Variants in WARS1 observed in about 807,000 individuals in gnomAD.
WARS1 encodes the protein tryptophanyl-tRNA synthetase 1, also known as tryptophan--tRNA ligase, cytoplasmic.
In WARS1, 17 loss-of-function variants were observed where a neutral mutation model predicts 47.8. The observed-to-expected ratio is 0.36, with a 90% CI of 0.24 to 0.53. The LOEUF is 0.53. WARS1 is among the 20% of genes least tolerant of loss of function. The pLI, the probability that WARS1 is intolerant of heterozygous loss-of-function variation, is 0.91. For synonymous variants in WARS1, 208 were observed against 228.1 expected (o/e 0.91, Z 0.79); for missense variants, 434 against 608.0 (o/e 0.71, Z 3.01).
intron 10 of WARS1, 34 bp from the exon 11 acceptor site, chr14:100,335,070 C>T: frequency 6.2e-7 from 1 of 1,606,922 alleles, no homozygotes; most frequent in East Asian, 2.2e-5. Context: ...TGAGAGATGG[C>T]TCCACATGTC....
At chr14:100,366,776 T>G (rs1440654811) in intron 2 of WARS1, 14 of 1,117,766 alleles carry the variant, frequency 1.3e-5, no homozygotes, top group Middle Eastern at 2.5e-4. Flanking sequence ...CAATGAAGCT[T>G]GAAGATACAT....
chr14:100,344,684 C>T lies in WARS1; in HGVS notation c.827-1297G>A, dbSNP rs1479359248. On this transcript the variant is annotated intron_variant, in intron 7 of 10. Transcript: ENST00000392882. The stretch of plus-strand genomic sequence containing the variant: ...ATCCCATCTAGGAAGTGAGGAGTGT[C>T]TCTGCCCGGCCGCCCATCGTCTGAG... 5.7e-4 allele frequency among the ~76,000 whole-genome samples: 87 copies of T among 151,682 alleles called. No individual in the cohort carries two copies. In the South Asian group the frequency reaches 0.016, roughly 28 times the overall value.
Position 100,366,040 on chromosome 14 carries a change from C to T in WARS1, c.99+3047G>A, listed in dbSNP as rs143191981. ...AGCAGTTATTGAGAATCCCTCTCCCCTCGGCCAAGGGAGTGTCACAGTTTC... is the reference window on the plus strand; with the variant it reads ...AGCAGTTATTGAGAATCCCTCTCCCTTCGGCCAAGGGAGTGTCACAGTTTC... On this transcript the variant is annotated intron_variant, in intron 2 of 10. Coordinates refer to ENST00000392882, the MANE Select transcript of WARS1 (RefSeq NM_004184.4). The T allele has an allele frequency of 6.8e-4, 312 of 456,020 alleles. 1 individual carries two copies. Among genetic ancestry groups the T allele is most frequent in the African/African-American group, 5.8e-3 (290 of 50,164 alleles). The allele number at this position is 456,020 out of a possible 1,614,324, so 28.2% of individuals were successfully genotyped here.
At chr14:100,354,764 A>G (rs1417243671) in intron 4 of WARS1, among the ~76,000 whole-genome samples, 198 bp from the exon 5 acceptor site, 2 of 152,234 alleles carry the variant, frequency 1.3e-5, no homozygotes, top group Non-Finnish European at 2.9e-5. Context: ...AGTGTTTTAA[A>G]AGACAAGATG....
At chr14:100,352,002 A>AG (rs143487325) in intron 6 of WARS1, among the ~76,000 whole-genome samples, 102,024 of 150,132 alleles carry the variant, frequency 0.68, 35,987 homozygotes, top group South Asian at 0.81. Context: ...CAAAAAAAAA[A>AG]AGAAAAAGAA....
At chr14:100,344,731 C>T (rs1162927528) in intron 7 of WARS1, among the ~76,000 whole-genome samples, 1 of 150,914 alleles carries the variant, frequency 6.6e-6, no homozygotes, top group African/African-American at 2.4e-5. Flanking sequence ...GCCTCTGCCC[C>T]GCCGCCCCGT....
At chr14:100,351,467 A>G (rs1894972589) in intron 6 of WARS1, among the ~76,000 whole-genome samples, 1 of 150,436 alleles carries the variant, frequency 6.6e-6, no homozygotes, top group African/African-American at 2.4e-5. Flanking sequence ...AGCCTGGCCA[A>G]CATGGCAAAA....
At chr14:100,370,826 C>T (rs144305646) in intron 1 of WARS1, among the ~76,000 whole-genome samples, 1 of 151,824 alleles carries the variant, frequency 6.6e-6, no homozygotes. Flanking sequence ...GCCTGTAATC[C>T]CAGCTACTTG....
chr14:100,338,545 G>T (rs1893906266), intron 9 of WARS1, among the ~76,000 whole-genome samples: 1 of 152,078 alleles, frequency 6.6e-6, no homozygotes, highest in African/African-American at 2.4e-5. Context: ...GGGATTACAG[G>T]TGTGAGTCAC....
In WARS1 at chr14:100,360,325, C is replaced by G. The variant is rs530176627; in HGVS notation, c.422+229G>C. On this transcript the variant is annotated intron_variant, in intron 4 of 10. Coordinates refer to ENST00000392882, the MANE Select transcript of WARS1 (RefSeq NM_004184.4). Reference sequence around the variant, plus strand: ...TCACCTGCTATTAATATGATTCCCACCTTGTGAGGTGGGCAGTCTACAAAT... The same window carrying G: ...TCACCTGCTATTAATATGATTCCCAGCTTGTGAGGTGGGCAGTCTACAAAT... Among the ~76,000 whole-genome samples the G allele has an allele frequency of 2.6e-5, 4 of 152,254 alleles. No individual in the cohort carries two copies. In the South Asian group the frequency reaches 8.3e-4, roughly 32 times the overall value.
At position 100,357,158 on chromosome 14, in the gene WARS1, T is replaced by C. The variant is rs116956614; in HGVS notation, c.423-2592A>G. On this transcript the variant is annotated intron_variant, in intron 4 of 10. Coordinates refer to ENST00000392882, the MANE Select transcript of WARS1 (RefSeq NM_004184.4). ...GAAGGGTATATAGAAAGCCCACAGCTAACATTATACTAAATGGTGTATATT... is the reference window on the plus strand; with the variant it reads ...GAAGGGTATATAGAAAGCCCACAGCCAACATTATACTAAATGGTGTATATT... 1.1e-3 allele frequency among the ~76,000 whole-genome samples: 173 copies of C among 152,322 alleles called. 3 individuals are homozygous for C. In the East Asian group the frequency reaches 0.029, roughly 25 times the overall value.
intron 10 of WARS1, among the ~76,000 whole-genome samples, chr14:100,335,653 A>AG (rs1224720788): frequency 6.6e-6 from 1 of 152,086 alleles, no homozygotes; most frequent in Non-Finnish European, 1.5e-5. Flanking sequence ...CCAAAGTGCT[A>AG]GGATTACAGG....
chr14:100,360,065 C>T (rs757276729), intron 4 of WARS1, among the ~76,000 whole-genome samples: 23 of 152,142 alleles, frequency 1.5e-4, no homozygotes, highest in African/African-American at 9.7e-5. Context: ...CATATCTTGA[C>T]GTTATCTGCG....
In WARS1 at chr14:100,334,512, G is replaced by A. The variant is rs1893575905; in HGVS notation, c.*363C>T. On this transcript the variant is annotated 3_prime_UTR_variant, in exon 11 of 11. Transcript: ENST00000392882. ...TAGAATATATATTTTTAAACAGAGT[G>A]GGTCTTAAGAGTATACTTGGAACCC... is the stretch of plus-strand genomic sequence containing the variant. 5.9e-6 allele frequency: 1 copy of A among 169,952 alleles called. No individual in the cohort carries two copies. Among genetic ancestry groups the A allele is most frequent in the African/African-American group, 2.4e-5 (1 of 42,098 alleles). The allele number at this position is 169,952 out of a possible 1,614,324, so 10.5% of individuals were successfully genotyped here. A position where few individuals can be genotyped will look rare whatever the true frequency, so the allele number is the denominator to read the frequency against.
intron 7 of WARS1, among the ~76,000 whole-genome samples, chr14:100,345,199 T>G (rs1894511658): frequency 6.7e-6 from 1 of 149,534 alleles, no homozygotes; most frequent in Admixed American, 6.8e-5. Flanking sequence ...GAACGGGCCA[T>G]GATGACAATG....
intron 5 of WARS1, chr14:100,354,092 CA>C: frequency 1.8e-6 from 1 of 547,452 alleles, no homozygotes; most frequent in South Asian, 2.4e-5. Flanking sequence ...CTGCTCTACA[CA>C]CTTTGTTTTG....
chr14:100,371,998 T>C (rs545541953), intron 1 of WARS1, among the ~76,000 whole-genome samples: 1 of 152,262 alleles, frequency 6.6e-6, no homozygotes, highest in South Asian at 2.1e-4. Context: ...ACTGATGACA[T>C]TCCCTTGTGA....
rs577417693 is a variant in WARS1 at position 100,344,556 on chromosome 14, G to A, written c.827-1169C>T. ...TGCCTGGCCGCCCATCGTCTGGGAC[G>A]TAAGGAGCCCCTCTGCCTGGCTGCC... is the stretch of plus-strand genomic sequence containing the variant. On this transcript the variant is annotated intron_variant, in intron 7 of 10. Coordinates refer to ENST00000392882, the MANE Select transcript of WARS1 (RefSeq NM_004184.4). Among the ~76,000 whole-genome samples the A allele has an allele frequency of 6.1e-3, 933 of 152,056 alleles. 6 individuals carry two copies. The highest frequency in any genetic ancestry group is 0.01 in the Middle Eastern group (3 of 294).
intron 4 of WARS1, among the ~76,000 whole-genome samples, chr14:100,356,054 G>A (rs1895290510): frequency 6.6e-6 from 1 of 152,262 alleles, no homozygotes; most frequent in South Asian, 2.1e-4. Context: ...TTGAGATCAT[G>A]TTTTATGAGG....
Sources: gnomAD v4.1 joint callset for allele counts (sites outside exome capture counted in the v4.1 genomes callset) on GRCh38, gnomAD v4.1.1 for gene constraint, MANE v1.5 for transcripts, NCBI Gene and HGNC (gene_info 2026-07-23, HGNC 2026-07-21) for gene names.